Variants in PTPRD observed in about 807,000 individuals in gnomAD.
The protein encoded by PTPRD is protein tyrosine phosphatase receptor type D, also known as receptor-type tyrosine-protein phosphatase delta.
PTPRD carries 34 observed loss-of-function variants against 214.5 expected under a neutral mutation model. That is an observed-to-expected ratio of 0.16 (90% confidence interval 0.12 to 0.21). The LOEUF is 0.21. Among genes scored for constraint, PTPRD ranks in the 10% least tolerant of loss-of-function variants. The pLI, the probability that PTPRD is intolerant of heterozygous loss-of-function variation, is 1.00. For missense variants in PTPRD, 2,545 were observed against 2,398.7 expected (o/e 1.06, Z -1.27); for synonymous variants, 1,128 against 845.7 (o/e 1.33, Z -5.79).
At chr9:9,677,017 C>A (rs1321281365) in intron 7 of PTPRD, among the ~76,000 whole-genome samples, 5 of 151,840 alleles carry the variant, frequency 3.3e-5, no homozygotes, top group Non-Finnish European at 7.4e-5. Context: ...CTTGTAGATT[C>A]TGGATATTAG....
chr9:9,866,050 A>C (rs2063867507), intron 5 of PTPRD, among the ~76,000 whole-genome samples: 1 of 152,162 alleles, frequency 6.6e-6, no homozygotes, highest in South Asian at 2.1e-4. Context: ...TCCTCTGTAC[A>C]TATGCACTTA....
intron 9 of PTPRD, among the ~76,000 whole-genome samples, chr9:9,326,799 T>A (rs1335854745): frequency 6.6e-6 from 1 of 152,110 alleles, no homozygotes; most frequent in East Asian, 1.9e-4. Flanking sequence ...TTTTTCATGA[T>A]TTACTAGAAG....
chr9:10,545,585 C>T (rs1334272046), intron 2 of PTPRD, among the ~76,000 whole-genome samples: 1 of 151,754 alleles, frequency 6.6e-6, no homozygotes, highest in South Asian at 2.1e-4. Flanking sequence ...CAAAGCATAC[C>T]ATGTTTAATT....
chr9:8,877,272 C>T (rs746847964), intron 11 of PTPRD, among the ~76,000 whole-genome samples: 2 of 152,128 alleles, frequency 1.3e-5, no homozygotes, highest in African/African-American at 2.4e-5. Context: ...GAAGAAGAAA[C>T]GTAATCTGGG....
In PTPRD at chr9:8,537,688, C is replaced by T. The variant is rs191927416; in HGVS notation, c.353-8909G>A. 1.4e-4 allele frequency among the ~76,000 whole-genome samples: 21 copies of T among 152,136 alleles called. No homozygotes were observed. In the East Asian group the frequency reaches 3.5e-3, roughly 25 times the overall value. ...AAATATTCAGCATACCAACCAGCTA[C>T]CCACAGAGCATTCCAGAGCAAAGCT... On this transcript the variant is annotated intron_variant, in intron 14 of 45. Transcript: ENST00000381196.
chr9:9,896,117 C>T (rs1013700370), intron 5 of PTPRD, among the ~76,000 whole-genome samples: 2 of 151,878 alleles, frequency 1.3e-5, no homozygotes, highest in Non-Finnish European at 2.9e-5. Flanking sequence ...GCTTAGTTTA[C>T]AAATGAAGGG....
At chr9:10,022,385 A>C (rs2096840497) in intron 4 of PTPRD, among the ~76,000 whole-genome samples, 2 of 144,282 alleles carry the variant, frequency 1.4e-5, no homozygotes, top group Non-Finnish European at 1.5e-5. Context: ...ATACCTTTCT[A>C]ATTTATTGGC....
rs2135636261 is a variant in PTPRD, at chr9:8,389,247, T to C, written c.4371A>G (p.Leu1457=). The change falls in exon 37 of 46, where the codon CTA becomes CTG. Residue 1457 remains leucine, a synonymous_variant. Coordinates refer to ENST00000381196, the MANE Select transcript of PTPRD (RefSeq NM_002839.4). The part of the protein sequence containing the change: ...RSATVVMMTK[L]EERSRVKCDQ... ...TTATTCTTACCCTTGATCTTTCTTC[T>C]AGTTTTGTCATCATGACAACTGTGG... The C allele has an allele frequency of 1.2e-6, 2 of 1,609,830 alleles. No homozygotes were observed. Among genetic ancestry groups the C allele is most frequent in the South Asian group, 2.2e-5 (2 of 90,256 alleles).
At chr9:10,306,117 T>C (rs1046123230) in intron 3 of PTPRD, among the ~76,000 whole-genome samples, 1 of 152,020 alleles carries the variant, frequency 6.6e-6, no homozygotes, top group Non-Finnish European at 1.5e-5. Flanking sequence ...TTCATGTCCT[T>C]TGCAGGGACA....
intron 3 of PTPRD, among the ~76,000 whole-genome samples, chr9:10,088,547 T>C (rs1205100479): frequency 6.6e-6 from 1 of 151,750 alleles, no homozygotes; most frequent in Non-Finnish European, 1.5e-5. Context: ...TCTGTCTATA[T>C]GGAAGAAGGT....
intron 9 of PTPRD, among the ~76,000 whole-genome samples, chr9:9,202,230 C>T (rs941019355): frequency 5.3e-5 from 8 of 152,162 alleles, no homozygotes; most frequent in African/African-American, 1.9e-4. Context: ...AATTTGCACT[C>T]TATTATAACA....
At chr9:9,857,623 C>T (rs1317698906) in intron 5 of PTPRD, among the ~76,000 whole-genome samples, 3 of 152,082 alleles carry the variant, frequency 2.0e-5, no homozygotes, top group Non-Finnish European at 4.4e-5. Context: ...TGAAGTTTTA[C>T]ATTTATATAT....
intron 2 of PTPRD, among the ~76,000 whole-genome samples, chr9:10,346,788 G>T (rs372817287): frequency 6.6e-6 from 1 of 152,134 alleles, no homozygotes; most frequent in Non-Finnish European, 1.5e-5. Flanking sequence ...GTTTGCACAG[G>T]TGTGGGTCTG....
At chr9:8,482,644 A>C (rs1171811148) in intron 30 of PTPRD, among the ~76,000 whole-genome samples, 3 of 152,180 alleles carry the variant, frequency 2.0e-5, no homozygotes, top group African/African-American at 7.2e-5. Flanking sequence ...TATTATTGAA[A>C]TGTTATCATG....
chr9:8,613,122 A>C (rs1441247719), intron 14 of PTPRD, among the ~76,000 whole-genome samples: 1 of 152,194 alleles, frequency 6.6e-6, no homozygotes, highest in African/African-American at 2.4e-5. Flanking sequence ...GTGCTGGGCA[A>C]AGGGTAGGAT....
intron 8 of PTPRD, among the ~76,000 whole-genome samples, chr9:9,501,577 A>G (rs1336882437): frequency 6.6e-6 from 1 of 151,940 alleles, no homozygotes; most frequent in Non-Finnish European, 1.5e-5. Flanking sequence ...TAGTTAATGT[A>G]TATCAACTAT....
chr9:9,622,799 G>T (rs760183110), intron 7 of PTPRD, among the ~76,000 whole-genome samples: 1 of 152,178 alleles, frequency 6.6e-6, no homozygotes, highest in Non-Finnish European at 1.5e-5. Flanking sequence ...CACTGCTCAG[G>T]AATCTCACAA....
chr9:8,519,631 G>T (rs1224940061), intron 20 of PTPRD, among the ~76,000 whole-genome samples: 1 of 152,142 alleles, frequency 6.6e-6, no homozygotes, highest in Non-Finnish European at 1.5e-5. Flanking sequence ...CTAGAATGCT[G>T]CCTGGCACTC....
chr9:9,276,929 A>G (rs1945869368), intron 9 of PTPRD, among the ~76,000 whole-genome samples: 1 of 151,326 alleles, frequency 6.6e-6, no homozygotes, highest in Non-Finnish European at 1.5e-5. Context: ...TTGCCTGGAA[A>G]GTTACTTCCT....
Sources: gnomAD v4.1 joint callset for allele counts (sites outside exome capture counted in the v4.1 genomes callset) on GRCh38, gnomAD v4.1.1 for gene constraint, MANE v1.5 for transcripts, NCBI Gene and HGNC (gene_info 2026-07-23, HGNC 2026-07-21) for gene names.